Variants in DENR observed in about 807,000 individuals in gnomAD.
DENR encodes density regulated re-initiation and release factor.
Under a neutral mutation model 30.6 loss-of-function variants are expected in DENR, and 6 were observed. That is an observed-to-expected ratio of 0.20 (90% confidence interval 0.11 to 0.39). DENR has a LOEUF of 0.39. Ranked by LOEUF, DENR falls within the 10% of genes least tolerant of loss-of-function variation. DENR has a pLI of 1.00. For missense variants in DENR, 141 were observed against 230.9 expected, an observed-to-expected ratio of 0.61 and a Z score of 2.52; for synonymous variants, 78 against 72.1, an observed-to-expected ratio of 1.08 and a Z score of -0.41.
chr12:122,753,715 T>G lies in DENR; in HGVS notation c.14T>G (p.Ile5Ser), dbSNP rs1878474921. The stretch of plus-strand genomic sequence containing the variant: ...CAGGTTTGTGAAATGGCTGCTGACA[T>G]TTCTGAATCCAGCGGGGCTGACTGC... MAAD[I>S]SESSGADCKG... is the part of the protein sequence containing the mutation. Residue 5 changes from isoleucine (I) to serine (S), a missense_variant, in exon 2 of 8, where the codon ATT becomes AGT. Physicochemically the swap from Ile to Ser is moderately radical, Grantham distance 142 (BLOSUM62 -2). This residue lies in a region of DENR where 104 missense variants were observed against 138.3 expected (regional missense o/e 0.75). Coordinates refer to ENST00000280557, the MANE Select transcript of DENR (RefSeq NM_003677.5). The G allele has an allele frequency of 5.0e-6, 8 of 1,613,994 alleles. No individual in the cohort carries two copies. The highest frequency in any genetic ancestry group is 6.8e-6 in the Non-Finnish European group (8 of 1,179,878).
At position 122,770,815 on chromosome 12, in the gene DENR, C is replaced by T; in HGVS notation, c.*1737C>T. 1 of 397,374 alleles carries T rather than the reference C, an allele frequency of 2.5e-6. No homozygotes were observed. The highest frequency in any genetic ancestry group is 3.6e-5 in the East Asian group (1 of 27,992). 24.6% of individuals were successfully genotyped at this position (397,374 alleles called of 1,614,324 possible). Reference sequence around the variant, plus strand: ...AGATGTAAAATTAAAAAATGGAATTCTCCATTAACTGTGGATTTTACTAAA... The same window carrying T: ...AGATGTAAAATTAAAAAATGGAATTTTCCATTAACTGTGGATTTTACTAAA... On this transcript the variant is annotated 3_prime_UTR_variant, in exon 8 of 8. Transcript: ENST00000280557.
Position 122,763,079 on chromosome 12 carries a change from A to T in DENR, c.211+150A>T, listed in dbSNP as rs1027149996. On this transcript the variant is annotated intron_variant, in intron 4 of 7. Transcript: ENST00000280557. ...CTGTTTAAGTTCTCTCTGAGATAGG[A>T]TAGGTCTGAATATCAACTTTCTTAC... 3 of 570,004 alleles carry T rather than the reference A, an allele frequency of 5.3e-6. No individual in the cohort carries two copies. The African/African-American group carries it at 5.7e-5, about 11-fold the overall frequency. 35.3% of individuals were successfully genotyped at this position (570,004 alleles called of 1,614,324 possible).
At position 122,768,936 on chromosome 12, in the gene DENR, C is replaced by T; in HGVS notation, c.552+15C>T. The T allele has an allele frequency of 6.2e-7, 1 of 1,607,792 alleles. No homozygotes were observed. The highest frequency in any genetic ancestry group is 8.5e-7 in the Non-Finnish European group (1 of 1,176,850). On this transcript the variant is annotated intron_variant, in intron 7 of 7. Transcript: ENST00000280557. ...AATGGCCAGAGGTGAGTGCATGGAA[C>T]ACATACATCGCTAGAGATAAGTTTT...
At position 122,769,051 on chromosome 12, in the gene DENR, C is replaced by T. The variant is rs185706767; in HGVS notation, c.570C>T (p.Ile190=). 463 of 1,608,728 alleles carry T rather than the reference C, an allele frequency of 2.9e-4. 5 individuals are homozygous for T. In the East Asian group the frequency reaches 7.3e-3, roughly 26 times the overall value. Residue 190 remains isoleucine (I), a synonymous_variant, in exon 8 of 8, where the codon ATC becomes ATT. Coordinates refer to ENST00000280557, the MANE Select transcript of DENR (RefSeq NM_003677.5). ...TTTTATAGGTAGATGATGACAGCATCGAAGATCTTGGAGAAGTAAAGAAGT... is the reference window on the plus strand; with the variant it reads ...TTTTATAGGTAGATGATGACAGCATTGAAGATCTTGGAGAAGTAAAGAAGT... The part of the protein sequence containing the change: ...EKWPEVDDDS[I]EDLGEVKK
chr12:122,756,705 T>A (rs1354029435), intron 2 of DENR, among the ~76,000 whole-genome samples: 1 of 152,152 alleles, frequency 6.6e-6, no homozygotes, highest in Non-Finnish European at 1.5e-5. Flanking sequence ...AGTTTGGTTG[T>A]ATTGTGGAAT....
rs1361322396 is a variant in DENR at position 122,770,724 on chromosome 12, G to A, written c.*1646G>A. On this transcript the variant is annotated 3_prime_UTR_variant, in exon 8 of 8. Transcript: ENST00000280557. ...AGAACCCATGGAACCCTTGTTTATC[G>A]CCATGCAAATTACAATCTTGAATGA... 1.0e-5 allele frequency: 4 copies of A among 398,246 alleles called. No individual in the cohort carries two copies. The highest frequency in any genetic ancestry group is 1.8e-5 in the Non-Finnish European group (4 of 226,022). The allele number at this position is 398,246 out of a possible 1,614,324, so 24.7% of individuals were successfully genotyped here.
At chr12:122,767,456 A>G in intron 5 of DENR, 32 bp from the exon 6 acceptor site, 2 of 1,368,900 alleles carry the variant, frequency 1.5e-6, no homozygotes, top group Middle Eastern at 1.9e-4. Flanking sequence ...GTCAAAAACA[A>G]CTAAAGCTAA....
chr12:122,770,713 C>T lies in DENR; in HGVS notation c.*1635C>T, dbSNP rs1401010405. ...TTAAGAAACTTAGAACCCATGGAAC[C>T]CTTGTTTATCGCCATGCAAATTACA... On this transcript the variant is annotated 3_prime_UTR_variant, in exon 8 of 8. Coordinates refer to ENST00000280557, the MANE Select transcript of DENR (RefSeq NM_003677.5). The T allele has an allele frequency of 1.5e-5, 6 of 398,264 alleles. No homozygotes were observed. The highest frequency in any genetic ancestry group is 1.3e-4 in the Admixed American group (3 of 22,692). The allele number at this position is 398,264 out of a possible 1,614,324, so 24.7% of individuals were successfully genotyped here. A position where few individuals can be genotyped will look rare whatever the true frequency, so the allele number is the denominator to read the frequency against.
At chr12:122,767,293 T>C (rs1878875495) in intron 5 of DENR, among the ~76,000 whole-genome samples, 195 bp from the exon 6 acceptor site, 1 of 152,254 alleles carries the variant, frequency 6.6e-6, no homozygotes, top group African/African-American at 2.4e-5. Flanking sequence ...CACTTTTGTA[T>C]CCTCGGCTCT....
At chr12:122,762,002 C>G (rs1878713039) in intron 2 of DENR, among the ~76,000 whole-genome samples, 185 bp from the exon 3 acceptor site, 1 of 152,126 alleles carries the variant, frequency 6.6e-6, no homozygotes, top group South Asian at 2.1e-4. Context: ...AGTATCATCT[C>G]AAATAACCAT....
chr12:122,763,244 G>GA (rs11384734), intron 4 of DENR: 127,910 of 151,912 alleles, frequency 0.84, 54,231 homozygotes, highest in East Asian at 0.97. Flanking sequence ...TACTAAAAAT[G>GA]AAAAAAAAAA....
chr12:122,767,663 T>G lies in DENR; in HGVS notation c.412+59T>G, dbSNP rs575640346. On this transcript the variant is annotated intron_variant, in intron 6 of 7. Coordinates refer to ENST00000280557, the MANE Select transcript of DENR (RefSeq NM_003677.5). ...GAACTATTTTCTCTCTCTGTCTCCC[T>G]CTATCTCTCTGTCTCTCTCTCTCTC... is the stretch of plus-strand genomic sequence containing the variant. 9 of 973,664 alleles carry G rather than the reference T, an allele frequency of 9.2e-6. No individual in the cohort carries two copies. The East Asian group carries it at 2.3e-4, about 25-fold the overall frequency. The allele number at this position is 973,664 out of a possible 1,614,324, so 60.3% of individuals were successfully genotyped here. A position where few individuals can be genotyped will look rare whatever the true frequency, so the allele number is the denominator to read the frequency against.
At chr12:122,762,368 A>G (rs1364009819) in intron 3 of DENR, among the ~76,000 whole-genome samples, 162 bp downstream of exon 3, 1 of 152,142 alleles carries the variant, frequency 6.6e-6, no homozygotes, top group Non-Finnish European at 1.5e-5. Flanking sequence ...TTGGTCTTAT[A>G]TATTCTTTCC....
chr12:122,762,044 G>A (rs1878714377), intron 2 of DENR, 143 bp from the exon 3 acceptor site: 2 of 496,278 alleles, frequency 4.0e-6, no homozygotes. Context: ...CTGAAGAGTA[G>A]CATTTGAAAA....
intron 2 of DENR, among the ~76,000 whole-genome samples, chr12:122,760,409 A>G (rs1878665005): frequency 6.6e-6 from 1 of 152,174 alleles, no homozygotes; most frequent in African/African-American, 2.4e-5. Context: ...TATTGGACAC[A>G]CTGAACTACT....
Position 122,770,477 on chromosome 12 carries a change from G to A in DENR, c.*1399G>A, listed in dbSNP as rs1879005439. On this transcript the variant is annotated 3_prime_UTR_variant, in exon 8 of 8. Coordinates refer to ENST00000280557, the MANE Select transcript of DENR (RefSeq NM_003677.5). ...CAGAGAGGCTAGAGGTTCTTATTCT[G>A]GCTATAAATTATGTGAGTAAAATTG... 1 of 396,566 alleles carries A rather than the reference G, an allele frequency of 2.5e-6. No homozygotes were observed. Among genetic ancestry groups the A allele is most frequent in the Admixed American group, 4.4e-5 (1 of 22,674 alleles). 24.6% of individuals were successfully genotyped at this position (396,566 alleles called of 1,614,324 possible).
intron 2 of DENR, among the ~76,000 whole-genome samples, chr12:122,760,460 G>A (rs890099390): frequency 2.6e-5 from 4 of 152,100 alleles, no homozygotes; most frequent in Admixed American, 6.5e-5. Context: ...GGCCGGGCGC[G>A]GTGGCTCACT....
At position 122,769,165 on chromosome 12, in the gene DENR, TAC is replaced by T. The variant is rs1034623576; in HGVS notation, c.*91_*92del. The T allele has an allele frequency of 1.5e-5, 17 of 1,166,294 alleles. No individual in the cohort carries two copies. The highest frequency in any genetic ancestry group is 2.0e-5 in the South Asian group (1 of 49,094). The allele number at this position is 1,166,294 out of a possible 1,614,324, so 72.2% of individuals were successfully genotyped here. A position where few individuals can be genotyped will look rare whatever the true frequency, so the allele number is the denominator to read the frequency against. Reference sequence around the variant, plus strand: ...AGGCCTTTTAAAATATATATATATATACACATATATATGTATATATACACATA... The same window carrying T: ...AGGCCTTTTAAAATATATATATATATACATATATATGTATATATACACATA... On this transcript the variant is annotated 3_prime_UTR_variant, in exon 8 of 8. Coordinates refer to ENST00000280557, the MANE Select transcript of DENR (RefSeq NM_003677.5).
At chr12:122,764,304 A>C (rs1320270329) in intron 4 of DENR, among the ~76,000 whole-genome samples, 1 of 152,168 alleles carries the variant, frequency 6.6e-6, no homozygotes, top group Non-Finnish European at 1.5e-5. Flanking sequence ...TGCTCTGCTA[A>C]GAATAGACCA....
Sources: allele counts gnomAD v4.1 joint callset (sites outside exome capture counted in the v4.1 genomes callset), GRCh38; gene constraint gnomAD v4.1.1; regional missense constraint gnomAD v4.1.1; transcripts MANE v1.5; gene names NCBI Gene and HGNC (gene_info 2026-07-23, HGNC 2026-07-21).